Variants in FBXW11 observed in about 807,000 individuals in gnomAD.
The protein encoded by FBXW11 is F-box/WD repeat-containing protein 11.
In FBXW11, 19 loss-of-function variants were observed where a neutral mutation model predicts 77.6. The observed-to-expected ratio is 0.24, with a 90% CI of 0.17 to 0.36. The LOEUF is 0.36. Ranked by LOEUF, FBXW11 falls within the 10% of genes least tolerant of loss-of-function variation. The pLI is 1.00. For missense variants in FBXW11, 334 were observed against 704.2 expected (o/e 0.47, Z 5.95); for synonymous variants, 235 against 249.4 (o/e 0.94, Z 0.54).
intron 2 of FBXW11, among the ~76,000 whole-genome samples, chr5:171,915,148 T>C (rs181408682): frequency 6.6e-6 from 1 of 152,296 alleles, no homozygotes; most frequent in East Asian, 1.9e-4. Context: ...GGAAACTTAA[T>C]GAGAAGGGGA....
chr5:171,942,171 G>A (rs1762786862), intron 2 of FBXW11, among the ~76,000 whole-genome samples: 1 of 151,076 alleles, frequency 6.6e-6, no homozygotes, highest in Non-Finnish European at 1.5e-5. Context: ...TACAAAGGAG[G>A]ATGTTCTACA....
chr5:171,985,867 C>T (rs1014817185), intron 1 of FBXW11, among the ~76,000 whole-genome samples: 2 of 152,118 alleles, frequency 1.3e-5, no homozygotes, highest in African/African-American at 4.8e-5. Flanking sequence ...AAATAGCTTA[C>T]GTCCAGGAGG....
At chr5:171,998,089 A>G (rs538745156) in intron 1 of FBXW11, among the ~76,000 whole-genome samples, 1 of 152,326 alleles carries the variant, frequency 6.6e-6, no homozygotes, top group East Asian at 1.9e-4. Context: ...TATGGACTCC[A>G]CAGTTCAAGG....
chr5:171,980,644 T>C (rs1005585215), intron 1 of FBXW11, among the ~76,000 whole-genome samples: 1 of 152,146 alleles, frequency 6.6e-6, no homozygotes, highest in Non-Finnish European at 1.5e-5. Context: ...TTCACACCTA[T>C]GAGAATGGCT....
rs140202840 is a variant in FBXW11 at position 171,972,427 on chromosome 5, G to A, written c.46-14729C>T. Among the ~76,000 whole-genome samples, 24 of 145,642 alleles carry A rather than the reference G, an allele frequency of 1.6e-4. No individual in the cohort carries two copies. The East Asian group carries it at 3.6e-3, about 22-fold the overall frequency. On this transcript the variant is annotated intron_variant, in intron 1 of 13. Coordinates refer to ENST00000517395, the MANE Select transcript of FBXW11 (RefSeq NM_001378974.1). ...GAAGTAGGAGGATCGCTTGAGCCCC[G>A]GAGGTCAAGGCTACAGTGAGCCAAG... is the stretch of plus-strand genomic sequence containing the variant.
intron 2 of FBXW11, among the ~76,000 whole-genome samples, chr5:171,955,005 C>T (rs573972948): frequency 1.3e-5 from 2 of 152,294 alleles, no homozygotes; most frequent in Non-Finnish European, 2.9e-5. Context: ...TCACGTCAGA[C>T]TCAGTTTCCA....
chr5:171,923,909 C>CTTTTTTTTTTTTTTTTTT (rs70982354), intron 2 of FBXW11, among the ~76,000 whole-genome samples: 1 of 49,130 alleles, frequency 2.0e-5, no homozygotes, highest in African/African-American at 9.0e-5. Flanking sequence ...GAAACCCCAC[C>CTTTTTTTTTTTTTTTTTT]TTTTTTTTTT....
chr5:171,905,795 T>C (rs1760473125), intron 4 of FBXW11, among the ~76,000 whole-genome samples: 1 of 152,108 alleles, frequency 6.6e-6, no homozygotes, highest in Non-Finnish European at 1.5e-5. Flanking sequence ...AAAAAGTGCT[T>C]TGAGGTGTTA....
intron 2 of FBXW11, among the ~76,000 whole-genome samples, chr5:171,952,447 A>ATATTTTTTT (rs1200841290): frequency 2.9e-4 from 2 of 6,948 alleles, no homozygotes; most frequent in African/African-American, 3.4e-4. Flanking sequence ...ATATATATAT[A>ATATTTTTTT]TTTTTTTTTT....
chr5:172,006,430 C>A, intron 1 of FBXW11, 28 bp downstream of exon 1: 1 of 1,532,908 alleles, frequency 6.5e-7, no homozygotes, highest in Non-Finnish European at 8.8e-7. Flanking sequence ...CGGACGGAAG[C>A]ACAGACGGTC....
At chr5:171,942,425 G>T (rs1019503814) in intron 2 of FBXW11, among the ~76,000 whole-genome samples, 1 of 152,150 alleles carries the variant, frequency 6.6e-6, no homozygotes, top group Non-Finnish European at 1.5e-5. Flanking sequence ...CAGACCAGCT[G>T]TTTCACAGTC....
rs1052792781 is a variant in FBXW11 at position 171,862,193 on chromosome 5, A to G, written c.*1934T>C. On this transcript the variant is annotated 3_prime_UTR_variant, in exon 14 of 14. Coordinates refer to ENST00000517395, the MANE Select transcript of FBXW11 (RefSeq NM_001378974.1). ...GAAGCTGTAGGATGAAAAGTGGTCA[A>G]AGCTAAATCACTTTCACAACCACCA... 2.9e-4 allele frequency: 44 copies of G among 152,522 alleles called. No individual in the cohort carries two copies. Among genetic ancestry groups the G allele is most frequent in the African/African-American group, 1.1e-3 (44 of 41,448 alleles). 9.4% of individuals were successfully genotyped at this position (152,522 alleles called of 1,614,324 possible).
At chr5:171,982,240 AATTTT>A (rs1211086247) in intron 1 of FBXW11, among the ~76,000 whole-genome samples, 4 of 152,172 alleles carry the variant, frequency 2.6e-5, no homozygotes, top group Middle Eastern at 3.4e-3. Context: ...AGAAGGGTTA[AATTTT>A]ATTTTATTTA....
In FBXW11 at chr5:172,006,483, A is replaced by G. The variant is rs144821165; in HGVS notation, c.20T>C (p.Ile7Thr). The part of the protein sequence containing the change: MEPDSV[I>T]EDKTIELMCS... ...CATGAGCTCGATGGTCTTGTCCTCA[A>G]TCACCGAGTCGGGCTCCATGGCGGC... The change falls in exon 1 of 14, where the codon ATT becomes ACT. Residue 7 changes from isoleucine to threonine, a missense_variant. By Grantham distance (89) the Ile-to-Thr change is moderately conservative. Coordinates refer to ENST00000517395, the MANE Select transcript of FBXW11 (RefSeq NM_001378974.1). 1.3e-6 allele frequency: 2 copies of G among 1,545,830 alleles called. No homozygotes were observed. Among genetic ancestry groups the G allele is most frequent in the African/African-American group, 1.4e-5 (1 of 70,474 alleles).
At chr5:171,957,548 T>A in intron 2 of FBXW11, 49 bp downstream of exon 2, 5 of 1,474,906 alleles carry the variant, frequency 3.4e-6, no homozygotes, top group Non-Finnish European at 4.7e-6. Context: ...TCAACAAATG[T>A]TCATGGCATA....
intron 2 of FBXW11, among the ~76,000 whole-genome samples, chr5:171,953,428 C>T (rs1434584312): frequency 6.6e-6 from 1 of 152,094 alleles, no homozygotes; most frequent in Non-Finnish European, 1.5e-5. Context: ...ATCCCTAATG[C>T]TTATTAGAAA....
At chr5:171,933,521 G>A (rs1464213467) in intron 2 of FBXW11, among the ~76,000 whole-genome samples, 3 of 152,190 alleles carry the variant, frequency 2.0e-5, no homozygotes, top group African/African-American at 7.2e-5. Context: ...GGTGTGTCAA[G>A]GTAGGCTCAT....
At chr5:171,902,141 C>T (rs576717104) in intron 4 of FBXW11, among the ~76,000 whole-genome samples, 3 of 152,266 alleles carry the variant, frequency 2.0e-5, no homozygotes, top group African/African-American at 7.2e-5. Context: ...ATTCTGTCCT[C>T]GGAGGTATTT....
In FBXW11 at chr5:171,878,553, A is replaced by AGT. The variant is rs34933781; in HGVS notation, c.853-426_853-425dup. ...AACATACCAAGCCAATCTCCATAAG[A>AGT]GTGTGTGAGTGTGTGTGTGTGTGTG... is the stretch of plus-strand genomic sequence containing the variant. On this transcript the variant is annotated intron_variant, in intron 7 of 13. Coordinates refer to ENST00000517395, the MANE Select transcript of FBXW11 (RefSeq NM_001378974.1). Among the ~76,000 whole-genome samples the AGT allele has an allele frequency of 6.7e-3, 708 of 105,462 alleles. 20 individuals are homozygous for AGT. Among genetic ancestry groups the AGT allele is most frequent in the African/African-American group, 0.017 (470 of 27,570 alleles). The allele number at this position is 105,462 out of a possible 152,430, so 69.2% of individuals were successfully genotyped here. A position where few individuals can be genotyped will look rare whatever the true frequency, so the allele number is the denominator to read the frequency against.
Sources: gnomAD v4.1 joint callset for allele counts (sites outside exome capture counted in the v4.1 genomes callset) on GRCh38, gnomAD v4.1.1 for gene constraint, MANE v1.5 for transcripts, NCBI Gene and HGNC (gene_info 2026-07-23, HGNC 2026-07-21) for gene names.